Variants in FSIP2 observed in about 807,000 individuals in gnomAD.
FSIP2 encodes fibrous sheath interacting protein 2, also known as fibrous sheath-interacting protein 2.
FSIP2 carries 367 observed loss-of-function variants against 510.5 expected under a neutral mutation model. The observed-to-expected ratio is 0.72, with a 90% CI of 0.66 to 0.78. The LOEUF (loss-of-function observed/expected upper bound fraction) is 0.78, where lower values mean the gene tolerates loss of function less well. Ranked by LOEUF, FSIP2 falls within the 30% of genes least tolerant of loss-of-function variation. The probability of loss-of-function intolerance (pLI) is 0.00; values close to 1 mark genes in which losing one functional copy is unlikely to be tolerated. For missense variants in FSIP2, 7,594 were observed against 7,901.7 expected (o/e 0.96, Z 1.48); for synonymous variants, 2,601 against 2,732.2 (o/e 0.95, Z 1.50).
Position 185,815,265 on chromosome 2 carries a change from G to A in FSIP2, c.20326-106G>A, listed in dbSNP as rs536485690. The A allele has an allele frequency of 1.2e-4, 75 of 619,022 alleles. 1 individual carries two copies. The highest frequency in any genetic ancestry group is 7.5e-4 in the Middle Eastern group (2 of 2,668). The allele number at this position is 619,022 out of a possible 1,614,324, so 38.3% of individuals were successfully genotyped here. A position where few individuals can be genotyped will look rare whatever the true frequency, so the allele number is the denominator to read the frequency against. The stretch of plus-strand genomic sequence containing the variant: ...ACACCCATCTTTTAACTAATCTCTG[G>A]AACTTTTTTCCATTAAAATGTAGAT... On this transcript the variant is annotated intron_variant, in intron 18 of 22. Transcript: ENST00000424728.
upstream of FSIP2, among the ~76,000 whole-genome samples, chr2:185,737,769 G>T (rs1042226584): frequency 6.6e-6 from 1 of 152,020 alleles, no homozygotes; most frequent in Non-Finnish European, 1.5e-5. Flanking sequence ...TATGGAAGCT[G>T]GCAATAGACT....
chr2:185,832,207 A>G (rs993222045), intron 22 of FSIP2, among the ~76,000 whole-genome samples: 1 of 151,944 alleles, frequency 6.6e-6, no homozygotes, highest in Non-Finnish European at 1.5e-5. Flanking sequence ...CCCACAGCTA[A>G]CAAGCAGCAG....
chr2:185,778,102 C>T (rs1692766911), intron 13 of FSIP2, among the ~76,000 whole-genome samples: 1 of 151,848 alleles, frequency 6.6e-6, no homozygotes, highest in East Asian at 1.9e-4. Context: ...TTTAATTCAT[C>T]TAAATTTTCA....
At chr2:185,759,494 T>C (rs1692307133) in intron 9 of FSIP2, among the ~76,000 whole-genome samples, 1 of 144,114 alleles carries the variant, frequency 6.9e-6, no homozygotes, top group Non-Finnish European at 1.5e-5. Flanking sequence ...TATATTTATA[T>C]TATATTATTT....
Position 185,807,152 on chromosome 2 carries a change from T to G in FSIP2, c.17846T>G (p.Leu5949Arg), listed in dbSNP as rs762024267. 1.0e-4 allele frequency: 160 copies of G among 1,602,068 alleles called. No homozygotes were observed. In the South Asian group the frequency reaches 1.7e-3, roughly 17 times the overall value. ...NSNGENLARR[L>R]TSAVINEIFQ... ...AATGGAGAAAATTTAGCAAGAAGAC[T>G]AACTAGTGCAGTGATAAATGAAATT... Residue 5949 changes from leucine (L) to arginine (R), a missense_variant, in exon 17 of 23, where the codon CTA becomes CGA. Coordinates refer to ENST00000424728, the MANE Select transcript of FSIP2 (RefSeq NM_173651.4).
At chr2:185,748,940 A>G (rs1437358571) in intron 7 of FSIP2, among the ~76,000 whole-genome samples, 1 of 152,046 alleles carries the variant, frequency 6.6e-6, no homozygotes, top group Non-Finnish European at 1.5e-5. Context: ...TTTCACTGCA[A>G]ATTATGTCTT....
rs781084546 is a variant in FSIP2 at position 185,801,049 on chromosome 2, T to C, written c.11743T>C (p.Ser3915Pro). 1.3e-6 allele frequency: 2 copies of C among 1,532,456 alleles called. No individual in the cohort carries two copies. The highest frequency in any genetic ancestry group is 2.4e-5 in the South Asian group (2 of 83,834). The allele number at this position is 1,532,456 out of a possible 1,614,324, so 94.9% of individuals were successfully genotyped here. Residue 3915 changes from serine (S) to proline (P), a missense_variant, in exon 17 of 23, where the codon TCC becomes CCC. Transcript: ENST00000424728. ...RSYDSNSLTV[S>P]LNNPSVVSSK... ...CTATGATAGTAATTCTTTGACAGTATCCCTGAATAATCCCAGTGTGGTTAG... is the reference window on the plus strand; with the variant it reads ...CTATGATAGTAATTCTTTGACAGTACCCCTGAATAATCCCAGTGTGGTTAG...
intron 19 of FSIP2, among the ~76,000 whole-genome samples, chr2:185,819,013 A>C (rs1261998109): frequency 2.6e-5 from 4 of 151,900 alleles, no homozygotes; most frequent in African/African-American, 4.8e-5. Flanking sequence ...ACAGATAATA[A>C]ATTTATGCTA....
chr2:185,739,346 G>A lies in FSIP2; in HGVS notation c.100G>A (p.Gly34Ser), dbSNP rs1460469555. The A allele has an allele frequency of 3.9e-6, 6 of 1,528,030 alleles. No individual in the cohort carries two copies. The highest frequency in any genetic ancestry group is 5.2e-6 in the Non-Finnish European group (6 of 1,143,996). 94.7% of individuals were successfully genotyped at this position (1,528,030 alleles called of 1,614,324 possible). A position where few individuals can be genotyped will look rare whatever the true frequency, so the allele number is the denominator to read the frequency against. ...AAAACTCTCCAATTGTGTCTGACAGGGCGTGCACAAAACCCACTTTGCAGG... is the reference window on the plus strand; with the variant it reads ...AAAACTCTCCAATTGTGTCTGACAGAGCGTGCACAAAACCCACTTTGCAGG... ...LAADTQQCRD[G>S]VHKTHFAGVG... is the part of the protein sequence containing the mutation. The change falls in exon 2 of 23, where the codon GGC becomes AGC. Residue 34 changes from glycine to serine, a missense_variant and splice_region_variant. Coordinates refer to ENST00000424728, the MANE Select transcript of FSIP2 (RefSeq NM_173651.4).
Position 185,808,356 on chromosome 2 carries a change from G to A in FSIP2, c.19050G>A (p.Glu6350=). The change falls in exon 17 of 23, where the codon GAG becomes GAA. Residue 6350 remains glutamate, a synonymous_variant. Coordinates refer to ENST00000424728, the MANE Select transcript of FSIP2 (RefSeq NM_173651.4). ...CATTAGATGCCAAACTTTTAGAAGA[G>A]GTGTTGGCCTTGTTCTTGGCTAAAC... ...GLTLDAKLLE[E]VLALFLAKLI... 2 of 1,611,274 alleles carry A rather than the reference G, an allele frequency of 1.2e-6. No individual in the cohort carries two copies. Among genetic ancestry groups the A allele is most frequent in the Non-Finnish European group, 1.7e-6 (2 of 1,179,084 alleles).
chr2:185,791,119 T>C lies in FSIP2; in HGVS notation c.3983T>C (p.Leu1328Pro). 1.3e-6 allele frequency: 2 copies of C among 1,532,486 alleles called. No homozygotes were observed. Among genetic ancestry groups the C allele is most frequent in the South Asian group, 2.4e-5 (2 of 83,770 alleles). The allele number at this position is 1,532,486 out of a possible 1,614,324, so 94.9% of individuals were successfully genotyped here. A position where few individuals can be genotyped will look rare whatever the true frequency, so the allele number is the denominator to read the frequency against. ...AGGGAGATTGACCATACCAAATCCC[T>C]TACAGATAAAGGATTTTTTGCTAAT... is the stretch of plus-strand genomic sequence containing the variant. Reference protein sequence around the residue: ...NLREIDHTKSLTDKGFFANTD... With the variant: ...NLREIDHTKSPTDKGFFANTD... Residue 1328 changes from leucine to proline, a missense_variant, in exon 16 of 23, where the codon CTT becomes CCT. Leu to Pro is a moderately conservative substitution (Grantham distance 98). Transcript: ENST00000424728.
rs115046550 is a variant in FSIP2, at chr2:185,761,994, A to G, written c.1217A>G (p.Asn406Ser). ...TAGAGAGATGGGATGGTATCTAAAA[A>G]CTCAAGTATTTTCGATGATAGAGGT... ...NQKRDGMVSK[N>S]SSIFDDRGGI... The change falls in exon 11 of 23, where the codon AAC (asparagine) becomes AGC (serine). Residue 406 changes from asparagine (N) to serine (S), a missense_variant. Coordinates refer to ENST00000424728, the MANE Select transcript of FSIP2 (RefSeq NM_173651.4). 13 of 1,485,768 alleles carry G rather than the reference A, an allele frequency of 8.7e-6. No homozygotes were observed. The highest frequency in any genetic ancestry group is 1.1e-5 in the Non-Finnish European group (12 of 1,104,674). 92.0% of individuals were successfully genotyped at this position (1,485,768 alleles called of 1,614,324 possible).
Position 185,745,460 on chromosome 2 carries a change from CG to C in FSIP2, c.511del (p.Glu171LysfsTer19). 6.5e-7 allele frequency: 1 copy of C among 1,533,482 alleles called. No individual in the cohort carries two copies. The highest frequency in any genetic ancestry group is 8.7e-7 in the Non-Finnish European group (1 of 1,145,082). 95.0% of individuals were successfully genotyped at this position (1,533,482 alleles called of 1,614,324 possible). On this transcript the variant is annotated frameshift_variant, in exon 5 of 23. Transcript: ENST00000424728. LOFTEE classifies it high-confidence loss of function. ...RILAKQLHNI[P>X]ENNQIPQHCD... ...CTTGCAAAACAACTACATAACATACCGGAAAACAATCAAATCCCTCAACATT... is the reference window on the plus strand; with the variant it reads ...CTTGCAAAACAACTACATAACATACCGAAAACAATCAAATCCCTCAACATT...
chr2:185,804,174 C>A lies in FSIP2; in HGVS notation c.14868C>A (p.Leu4956=). Residue 4956 remains leucine (L), a synonymous_variant, in exon 17 of 23, where the codon CTC becomes CTA. Transcript: ENST00000424728. ...SVFLEEVISE[L]LCKILYAFSH... ...TTTTGGAGGAAGTAATTTCTGAGCT[C>A]TTATGCAAAATTCTTTATGCATTTT... 1 of 1,511,386 alleles carries A rather than the reference C, an allele frequency of 6.6e-7. No individual in the cohort carries two copies. The highest frequency in any genetic ancestry group is 1.3e-5 in the South Asian group (1 of 79,628). The allele number at this position is 1,511,386 out of a possible 1,614,324, so 93.6% of individuals were successfully genotyped here.
In FSIP2 at chr2:185,764,655, T is replaced by A; in HGVS notation, c.1411+90T>A. 4.4e-6 allele frequency: 4 copies of A among 905,144 alleles called. No homozygotes were observed. In the East Asian group the frequency reaches 1.1e-4, roughly 25 times the overall value. 56.1% of individuals were successfully genotyped at this position (905,144 alleles called of 1,614,324 possible). On this transcript the variant is annotated intron_variant, in intron 13 of 22. Coordinates refer to ENST00000424728, the MANE Select transcript of FSIP2 (RefSeq NM_173651.4). ...CTGAGTTTTTGCTTCATGTTAGATA[T>A]GGTGCTAAGTTTTAATCATTCAAGG...
intron 5 of FSIP2, among the ~76,000 whole-genome samples, chr2:185,746,106 G>A (rs1692024678): frequency 6.6e-6 from 1 of 152,010 alleles, no homozygotes; most frequent in Non-Finnish European, 1.5e-5. Context: ...ATGCAGTAAG[G>A]AATTGGGCTG....
At position 185,800,872 on chromosome 2, in the gene FSIP2, T is replaced by C. The variant is rs975563370; in HGVS notation, c.11566T>C (p.Ser3856Pro). ...GGTTAAATCATTGATGGACAAATTA[T>C]CTCACAGCATACAACAAGCTCCGGA... ...SLVKSLMDKL[S>P]HSIQQAPESL... The change falls in exon 17 of 23, where the codon TCT (serine) becomes CCT (proline). Residue 3856 changes from serine (S) to proline (P), a missense_variant. By Grantham distance (74) the Ser-to-Pro change is moderately conservative. Coordinates refer to ENST00000424728, the MANE Select transcript of FSIP2 (RefSeq NM_173651.4). 3 of 1,534,140 alleles carry C rather than the reference T, an allele frequency of 2.0e-6. No individual in the cohort carries two copies. The highest frequency in any genetic ancestry group is 2.4e-5 in the East Asian group (1 of 40,840).
chr2:185,782,897 G>T (rs535034166), intron 14 of FSIP2, 135 bp downstream of exon 14: 36 of 626,572 alleles, frequency 5.7e-5, no homozygotes, highest in Non-Finnish European at 8.5e-5. Flanking sequence ...TTAGTCTTTT[G>T]CAGACTTTCA....
intron 17 of FSIP2, 118 bp downstream of exon 17, chr2:185,809,251 C>A: frequency 1.8e-6 from 2 of 1,120,626 alleles, no homozygotes; most frequent in African/African-American, 1.6e-5. Flanking sequence ...TTTCTCAGCC[C>A]AATAGGAGAA....
Sources: gnomAD v4.1 joint callset for allele counts (sites outside exome capture counted in the v4.1 genomes callset) on GRCh38, gnomAD v4.1.1 for gene constraint, MANE v1.5 for transcripts, NCBI Gene and HGNC (gene_info 2026-07-23, HGNC 2026-07-21) for gene names.